DNAH6: variants seen among roughly 807,000 people sequenced by gnomAD.
DNAH6 encodes dynein axonemal heavy chain 6, also known as axonemal beta dynein heavy chain 6.
Under a neutral mutation model 491.4 loss-of-function variants are expected in DNAH6, and 340 were observed. That is an observed-to-expected ratio of 0.69 (90% CI 0.63 to 0.76). The LOEUF (loss-of-function observed/expected upper bound fraction) is 0.76. Among genes scored for constraint, DNAH6 ranks in the 30% least tolerant of loss-of-function variants. DNAH6 has a pLI of 0.00. For synonymous variants in DNAH6, 1,603 were observed against 1,686.1 expected, an observed-to-expected ratio of 0.95 and a Z score of 1.21; for missense variants, 4,443 against 4,972.2, an observed-to-expected ratio of 0.89 and a Z score of 3.20.
chr2:84,595,560 AACTT>A, intron 17 of DNAH6, 82 bp from the exon 18 acceptor site: 1 of 1,217,888 alleles, frequency 8.2e-7, no homozygotes, highest in South Asian at 1.7e-5. Context: ...GATTTGGATT[AACTT>A]TTAAAAGTTT....
In DNAH6 at chr2:84,669,437, A is replaced by T. The variant is rs1401293613; in HGVS notation, c.6233A>T (p.Tyr2078Phe). The T allele has an allele frequency of 6.4e-7, 1 of 1,552,020 alleles. No individual in the cohort carries two copies. Residue 2078 changes from tyrosine (Y) to phenylalanine (F), a missense_variant, in exon 38 of 77, where the codon TAT becomes TTT. Tyr to Phe is a conservative substitution (Grantham distance 22, BLOSUM62 3). Around this residue, in one of 3 missense-constraint regions of DNAH6, gnomAD observed 2,977 missense variants for 3,296.6 expected, o/e 0.90. Transcript: ENST00000389394. The stretch of plus-strand genomic sequence containing the variant: ...GTCCCCACAACTGACACAGTGCGCT[A>T]TGGGTATCTAATGGAAAAACTACTG... ...MLVPTTDTVR[Y>F]GYLMEKLLAV...
At chr2:84,556,849 C>CT in intron 10 of DNAH6, among the ~76,000 whole-genome samples, 1 of 152,116 alleles carries the variant, frequency 6.6e-6, no homozygotes. Context: ...ATATCATAAG[C>CT]TTTTTCTCAT....
At chr2:84,502,126 T>C in the DNAH6 span, among the ~76,000 whole-genome samples, 3 of 152,176 alleles carry the variant, frequency 2.0e-5, no homozygotes, top group African/African-American at 7.2e-5. Context: ...GATTGTTTAT[T>C]TGAAGTTCTT....
At chr2:84,481,353 GAGAAACAAGATAAAATGGTAAGTAGAAA>G in the DNAH6 span, among the ~76,000 whole-genome samples, 20 of 152,252 alleles carry the variant, frequency 1.3e-4, 1 homozygote, top group Middle Eastern at 0.01. Context: ...GTGAACTTAA[GAGAAACAAGATAAAATGGTAAGTAGAAA>G]AGAAACAAGA....
At chr2:84,588,383 T>G (rs1683770156) in intron 15 of DNAH6, among the ~76,000 whole-genome samples, 1 of 152,230 alleles carries the variant, frequency 6.6e-6, no homozygotes, top group Non-Finnish European at 1.5e-5. Flanking sequence ...AGGTCAGCCA[T>G]AAAACATGTC....
chr2:84,815,714 A>G, intron 75 of DNAH6, 147 bp from the exon 76 acceptor site: 1 of 640,384 alleles, frequency 1.6e-6, no homozygotes, highest in Non-Finnish European at 2.6e-6. Flanking sequence ...GAGCCTCAGG[A>G]TTGACCTCTC....
intron 40 of DNAH6, among the ~76,000 whole-genome samples, chr2:84,676,090 G>T (rs1352329119): frequency 6.7e-6 from 1 of 149,460 alleles, no homozygotes; most frequent in East Asian, 1.9e-4. Context: ...TTCCATGTTT[G>T]AAGATTCTCA....
intron 13 of DNAH6, among the ~76,000 whole-genome samples, chr2:84,578,062 T>G (rs1017742776): frequency 1.3e-5 from 2 of 152,184 alleles, no homozygotes; most frequent in Admixed American, 6.5e-5. Context: ...GGACAAAGTT[T>G]AGTAGTTGTG....
chr2:84,592,996 A>G (rs954898230), intron 16 of DNAH6, among the ~76,000 whole-genome samples: 1 of 152,208 alleles, frequency 6.6e-6, no homozygotes, highest in Non-Finnish European at 1.5e-5. Flanking sequence ...AAAGTACTAG[A>G]AAAAGTACAT....
chr2:84,653,583 C>G lies in DNAH6; in HGVS notation c.5343C>G (p.Ser1781=), dbSNP rs1370059933. Residue 1781 remains serine (S), a synonymous_variant, in exon 34 of 77, where the codon TCC becomes TCG. Transcript: ENST00000389394. ...GNLQKLGIEN[S]FYQAVKTYVL... is the part of the protein sequence containing the mutation. Reference sequence around the variant, plus strand: ...TACAAAAACTTGGGATAGAAAATTCCTTTTACCAAGCAGTTAAAACATATG... The same window carrying G: ...TACAAAAACTTGGGATAGAAAATTCGTTTTACCAAGCAGTTAAAACATATG... 2 of 1,551,206 alleles carry G rather than the reference C, an allele frequency of 1.3e-6. No homozygotes were observed. The highest frequency in any genetic ancestry group is 1.7e-6 in the Non-Finnish European group (2 of 1,146,688).
In DNAH6 at chr2:84,697,735, G is replaced by C; in HGVS notation, c.7677+8G>C. On this transcript the variant is annotated splice_region_variant and intron_variant, in intron 47 of 76. Transcript: ENST00000389394. ...GAGGGGAACAGAGACGAGGTAGGAT[G>C]TGCCAGAGTAGTTATGTGGCTTTAT... 3 of 1,551,614 alleles carry C rather than the reference G, an allele frequency of 1.9e-6. No homozygotes were observed. Among genetic ancestry groups the C allele is most frequent in the Non-Finnish European group, 2.6e-6 (3 of 1,146,972 alleles).
chr2:84,584,284 A>G, intron 15 of DNAH6, 34 bp downstream of exon 15: 12 of 1,599,486 alleles, frequency 7.5e-6, no homozygotes, highest in Non-Finnish European at 9.4e-6. Context: ...AAAATAATCT[A>G]TGCAAAGTTT....
intron 37 of DNAH6, among the ~76,000 whole-genome samples, chr2:84,660,353 C>G (rs116350808): frequency 0.022 from 3,301 of 152,150 alleles, 49 homozygotes; most frequent in Middle Eastern, 0.099. Context: ...GATCATAACC[C>G]TTTTAGTAAA....
chr2:84,665,964 C>T (rs1315948787), intron 37 of DNAH6, among the ~76,000 whole-genome samples: 8 of 152,100 alleles, frequency 5.3e-5, no homozygotes, highest in East Asian at 1.9e-4. Context: ...AATCAATAAA[C>T]GTAATGCATC....
chr2:84,636,976 A>G (rs1292274483), intron 30 of DNAH6, among the ~76,000 whole-genome samples: 3 of 152,106 alleles, frequency 2.0e-5, no homozygotes, highest in Non-Finnish European at 4.4e-5. Context: ...CTAGGAAGGA[A>G]GAGACAGTTT....
intron 70 of DNAH6, 27 bp downstream of exon 70, chr2:84,797,685 A>G: frequency 6.5e-7 from 1 of 1,537,862 alleles, no homozygotes; most frequent in Non-Finnish European, 8.8e-7. Context: ...CTTAAAATAC[A>G]TATTTATGTT....
At chr2:84,792,986 G>A (rs1003705276) in intron 68 of DNAH6, among the ~76,000 whole-genome samples, 1 of 152,180 alleles carries the variant, frequency 6.6e-6, no homozygotes, top group African/African-American at 2.4e-5. Context: ...GAGTGGTATT[G>A]GGGGTGGATC....
chr2:84,670,414 A>G lies in DNAH6; in HGVS notation c.6393A>G (p.Ser2131=). 6.5e-7 allele frequency: 1 copy of G among 1,547,802 alleles called. No individual in the cohort carries two copies. The highest frequency in any genetic ancestry group is 8.7e-7 in the Non-Finnish European group (1 of 1,144,758). The part of the protein sequence containing the change: ...PVYLNFSAQT[S]SARTQEIIES... ...ATCTAAATTTTTCTGCTCAAACTTC[A>G]TCTGCAAGGACACAAGAGATCATTG... The change falls in exon 39 of 77, where the codon TCA becomes TCG. Residue 2131 remains serine, a synonymous_variant. Coordinates refer to ENST00000389394, the MANE Select transcript of DNAH6 (RefSeq NM_001370.2).
chr2:84,463,528 C>T, the DNAH6 span, among the ~76,000 whole-genome samples: 1 of 152,200 alleles, frequency 6.6e-6, no homozygotes, highest in African/African-American at 2.4e-5. Context: ...CCAGTACTAT[C>T]CAGTTTCTTG....
Sources: allele counts gnomAD v4.1 joint callset (sites outside exome capture counted in the v4.1 genomes callset), GRCh38; gene constraint gnomAD v4.1.1; regional missense constraint gnomAD v4.1.1; transcripts MANE v1.5; gene names NCBI Gene and HGNC (gene_info 2026-07-23, HGNC 2026-07-21).